The following SLIT3 variants were observed in gnomAD, a reference collection of about 807,000 sequenced individuals.
SLIT3 encodes slit homolog 3 protein.
SLIT3 carries 68 observed loss-of-function variants against 184.0 expected under a neutral mutation model. The ratio of observed to expected loss-of-function variants is 0.37; its 90% CI spans 0.30 to 0.45. The LOEUF is 0.45. Among genes scored for constraint, SLIT3 ranks in the 20% least tolerant of loss-of-function variants. SLIT3 has a pLI of 1.00. For missense variants in SLIT3, 1,707 were observed against 2,026.0 expected, an observed-to-expected ratio of 0.84 and a Z score of 3.02; for synonymous variants, 831 against 828.6, an observed-to-expected ratio of 1.00 and a Z score of -0.05.
At chr5:169,051,370 C>T (rs1757809458) in intron 4 of SLIT3, among the ~76,000 whole-genome samples, 1 of 151,472 alleles carries the variant, frequency 6.6e-6, no homozygotes, top group South Asian at 2.1e-4. Context: ...TCTTGATTCT[C>T]ATATTTAAGT....
intron 4 of SLIT3, among the ~76,000 whole-genome samples, chr5:169,056,647 C>T (rs1039054261): frequency 1.3e-5 from 2 of 152,022 alleles, no homozygotes; most frequent in Non-Finnish European, 2.9e-5. Context: ...GCATTAAATG[C>T]TGGCTTCCAG....
chr5:168,943,081 AGATT>A (rs1581231979), intron 4 of SLIT3, among the ~76,000 whole-genome samples: 1 of 152,336 alleles, frequency 6.6e-6, no homozygotes, highest in Admixed American at 6.5e-5. Context: ...TTAATATAAA[AGATT>A]GATTGGTAAT....
At chr5:169,199,024 A>G (rs1007854019) in intron 3 of SLIT3, among the ~76,000 whole-genome samples, 2 of 151,850 alleles carry the variant, frequency 1.3e-5, no homozygotes, top group African/African-American at 4.8e-5. Context: ...ACACACACAC[A>G]CACACATACA....
intron 4 of SLIT3, among the ~76,000 whole-genome samples, chr5:169,088,545 C>G (rs1289712651): frequency 6.6e-6 from 1 of 152,078 alleles, no homozygotes; most frequent in Non-Finnish European, 1.5e-5. Context: ...TACAACTAGT[C>G]CAGGAGTGAG....
chr5:169,300,966 G>T lies in SLIT3; in HGVS notation c.-257C>A, dbSNP rs1767670672. 1 of 185,998 alleles carries T rather than the reference G, an allele frequency of 5.4e-6. No homozygotes were observed. 11.5% of individuals were successfully genotyped at this position (185,998 alleles called of 1,614,324 possible). A position where few individuals can be genotyped will look rare whatever the true frequency, so the allele number is the denominator to read the frequency against. On this transcript the variant is annotated 5_prime_UTR_variant, in exon 1 of 36. Coordinates refer to ENST00000519560, the MANE Select transcript of SLIT3 (RefSeq NM_003062.4). This position sits in a 1 kb window ranked among gnomAD's most constrained non-coding sequence, Gnocchi z 4.1. ...CGCATCGCTGGGAGTGCCCAGGTGC[G>T]GAGCGCCCCCTGGCCCCGCTGGCCC... is the stretch of plus-strand genomic sequence containing the variant.
intron 4 of SLIT3, among the ~76,000 whole-genome samples, chr5:168,923,075 T>A (rs1308166675): frequency 6.6e-6 from 1 of 152,112 alleles, no homozygotes; most frequent in African/African-American, 2.4e-5. Flanking sequence ...AGGGGACTTG[T>A]AGGAAATAAA....
At chr5:168,972,945 G>A (rs1262129932) in intron 4 of SLIT3, among the ~76,000 whole-genome samples, 1 of 152,068 alleles carries the variant, frequency 6.6e-6, no homozygotes, top group African/African-American at 2.4e-5. Flanking sequence ...TCCTCTTTAG[G>A]TGTAAGTTCC....
intron 23 of SLIT3, among the ~76,000 whole-genome samples, chr5:168,715,964 G>A (rs907551477): frequency 6.6e-6 from 1 of 151,200 alleles, no homozygotes; most frequent in Non-Finnish European, 1.5e-5. Context: ...GAGCCACTGC[G>A]CCCAGCCTAC....
At chr5:169,231,008 C>A (rs1297057637) in intron 3 of SLIT3, among the ~76,000 whole-genome samples, 2 of 152,072 alleles carry the variant, frequency 1.3e-5, no homozygotes, top group Non-Finnish European at 2.9e-5. Flanking sequence ...TTTTAAAGTG[C>A]AGCAGATCCT....
chr5:168,889,348 G>A (rs1298498453), intron 4 of SLIT3, among the ~76,000 whole-genome samples: 1 of 152,198 alleles, frequency 6.6e-6, no homozygotes, highest in Non-Finnish European at 1.5e-5. Context: ...GTCAATGGCA[G>A]CCTTTGTCTG....
intron 8 of SLIT3, among the ~76,000 whole-genome samples, chr5:168,808,241 C>T (rs567040545): frequency 2.3e-4 from 35 of 152,164 alleles, no homozygotes; most frequent in South Asian, 6.3e-4. Context: ...GTGATGCTGG[C>T]CTTGTTCCAA....
In SLIT3 at chr5:168,850,438, T is replaced by C. The variant is rs149821548; in HGVS notation, c.486-5783A>G. Among the ~76,000 whole-genome samples, 820 of 152,378 alleles carry C rather than the reference T, an allele frequency of 5.4e-3. 9 individuals carry two copies. The highest frequency in any genetic ancestry group is 0.019 in the African/African-American group (785 of 41,592). ...CTTATGCCTATTTTTCCTACATATGTAGTTACATGTAATATTGTGTCCATG... is the reference window on the plus strand; with the variant it reads ...CTTATGCCTATTTTTCCTACATATGCAGTTACATGTAATATTGTGTCCATG... On this transcript the variant is annotated intron_variant, in intron 5 of 35. Transcript: ENST00000519560.
intron 3 of SLIT3, among the ~76,000 whole-genome samples, chr5:169,221,074 C>T (rs1232698474): frequency 6.6e-6 from 1 of 152,202 alleles, no homozygotes; most frequent in African/African-American, 2.4e-5. Flanking sequence ...GATCCCTAAC[C>T]CATAGGGTCC....
At chr5:169,044,587 T>TGGGGGGGGGGGGGGGGAGG (rs57256659) in intron 4 of SLIT3, among the ~76,000 whole-genome samples, 2 of 70,644 alleles carry the variant, frequency 2.8e-5, no homozygotes, top group Non-Finnish European at 3.6e-5. Flanking sequence ...TGGAGGAAGG[T>TGGGGGGGGGGGGGGGGAGG]GGGGGGGGGG....
At chr5:168,964,488 A>G (rs1389406406) in intron 4 of SLIT3, among the ~76,000 whole-genome samples, 1 of 152,250 alleles carries the variant, frequency 6.6e-6, no homozygotes, top group Non-Finnish European at 1.5e-5. Flanking sequence ...TTAGGAGCCT[A>G]TGAAACACAT....
At chr5:168,907,957 TATATATATATATATATATATATAGAG>T (rs1562000053) in intron 4 of SLIT3, among the ~76,000 whole-genome samples, 11 of 57,622 alleles carry the variant, frequency 1.9e-4, no homozygotes, top group Admixed American at 3.6e-4. Flanking sequence ...TATATATATA[TATATATATATATATATATATATAGAG>T]AGAGAGAGAG....
At chr5:169,021,536 A>T (rs918456476) in intron 4 of SLIT3, among the ~76,000 whole-genome samples, 1 of 152,000 alleles carries the variant, frequency 6.6e-6, no homozygotes, top group Non-Finnish European at 1.5e-5. Flanking sequence ...TTTTTAGTAG[A>T]GACGGGGTTT....
chr5:169,140,412 G>A (rs960369049), intron 4 of SLIT3, among the ~76,000 whole-genome samples: 7 of 146,824 alleles, frequency 4.8e-5, no homozygotes, highest in East Asian at 2.0e-4. Context: ...CCTGGGAGGC[G>A]GAGGTTGCAG....
chr5:169,288,100 C>T (rs1237339663), intron 1 of SLIT3, among the ~76,000 whole-genome samples: 1 of 152,138 alleles, frequency 6.6e-6, no homozygotes. Context: ...AAACAATGTC[C>T]TAGGGGTCCC....
Sources: gnomAD v4.1 joint callset for allele counts (sites outside exome capture counted in the v4.1 genomes callset) on GRCh38, gnomAD v4.1.1 for gene constraint, Gnocchi (gnomAD v3.1) non-coding constraint, MANE v1.5 for transcripts, NCBI Gene and HGNC (gene_info 2026-07-23, HGNC 2026-07-21) for gene names.